ATP8A1: variants seen among roughly 807,000 people sequenced by gnomAD.
The protein encoded by ATP8A1 is phospholipid-transporting ATPase IA.
ATP8A1 carries 90 observed loss-of-function variants against 177.7 expected under a neutral mutation model. That is an observed-to-expected ratio of 0.51 (90% CI 0.43 to 0.60). ATP8A1 has a LOEUF of 0.60. Ranked by LOEUF, ATP8A1 falls within the 20% of genes least tolerant of loss-of-function variation. The pLI is 0.00. For missense variants in ATP8A1, 1,072 were observed against 1,392.8 expected, an observed-to-expected ratio of 0.77 and a Z score of 3.67; for synonymous variants, 493 against 485.9, an observed-to-expected ratio of 1.01 and a Z score of -0.19.
chr4:42,651,648 G>A (rs1199902255), intron 1 of ATP8A1, among the ~76,000 whole-genome samples: 6 of 152,182 alleles, frequency 3.9e-5, no homozygotes, highest in Admixed American at 2.0e-4. Context: ...TAGTTTTTGT[G>A]TGGTGCTTTC....
In ATP8A1 at chr4:42,495,062, TAAAC is replaced by T. The variant is rs1321927798; in HGVS notation, c.2151+8384_2151+8387del. The stretch of plus-strand genomic sequence containing the variant: ...AATAAGAGGATATATATAAGAATCT[TAAAC>T]TAACACATATTTTATTAGCTGTTTT... On this transcript the variant is annotated intron_variant, in intron 24 of 36. Coordinates refer to ENST00000381668, the MANE Select transcript of ATP8A1 (RefSeq NM_006095.2). Among the ~76,000 whole-genome samples, 12 of 152,384 alleles carry T rather than the reference TAAAC, an allele frequency of 7.9e-5. 1 individual carries two copies. Among genetic ancestry groups the T allele is most frequent in the African/African-American group, 2.9e-4 (12 of 41,592 alleles).
chr4:42,480,347 T>C (rs570930052), intron 25 of ATP8A1, among the ~76,000 whole-genome samples: 65 of 152,338 alleles, frequency 4.3e-4, no homozygotes, highest in African/African-American at 1.5e-3. Flanking sequence ...ATTCAGTGTG[T>C]CCTCTTTTAG....
At chr4:42,525,874 G>A (rs932836814) in intron 20 of ATP8A1, among the ~76,000 whole-genome samples, 6 of 152,096 alleles carry the variant, frequency 3.9e-5, no homozygotes, top group Non-Finnish European at 7.4e-5. Flanking sequence ...AGAACAGATG[G>A]AGTATTCCAA....
Position 42,436,697 on chromosome 4 carries a change from C to A in ATP8A1, c.3123+6868G>T, listed in dbSNP as rs115348137. On this transcript the variant is annotated intron_variant, in intron 33 of 36. Coordinates refer to ENST00000381668, the MANE Select transcript of ATP8A1 (RefSeq NM_006095.2). ...ATTTTGCATAGTTGTTCCCTCCAGG[C>A]TACTTGGCTAAACACAGTAATCTCA... Among the ~76,000 whole-genome samples, 151 of 152,298 alleles carry A rather than the reference C, an allele frequency of 9.9e-4. 1 individual carries two copies. The highest frequency in any genetic ancestry group is 3.6e-3 in the African/African-American group (150 of 41,570).
At chr4:42,585,587 T>A (rs1049510757) in intron 9 of ATP8A1, among the ~76,000 whole-genome samples, 2 of 150,190 alleles carry the variant, frequency 1.3e-5, no homozygotes, top group East Asian at 3.9e-4. Flanking sequence ...GATTTCGGAC[T>A]CCCCAGTTTC....
At chr4:42,540,513 A>G (rs1007638862) in intron 20 of ATP8A1, among the ~76,000 whole-genome samples, 1 of 151,868 alleles carries the variant, frequency 6.6e-6, no homozygotes, top group East Asian at 1.9e-4. Flanking sequence ...AATAGCAAAG[A>G]TATGGAATTA....
chr4:42,586,309 CA>C (rs770244405), intron 9 of ATP8A1, 39 bp downstream of exon 9: 6 of 1,607,632 alleles, frequency 3.7e-6, no homozygotes, highest in Middle Eastern at 1.7e-4. Context: ...CTCTATGACA[CA>C]GTGGATTCTG....
intron 15 of ATP8A1, 48 bp downstream of exon 15, chr4:42,569,113 C>A (rs369908766): frequency 7.5e-7 from 1 of 1,326,492 alleles, no homozygotes; most frequent in Non-Finnish European, 1.0e-6. Context: ...CAATAAAATG[C>A]AAACCTTTTA....
At chr4:42,568,798 T>C (rs935233312) in intron 15 of ATP8A1, among the ~76,000 whole-genome samples, 6 of 152,064 alleles carry the variant, frequency 3.9e-5, no homozygotes, top group African/African-American at 1.4e-4. Context: ...GTAAAGTACA[T>C]AAGTAGCGGC....
chr4:42,479,600 A>C (rs1721443605), intron 25 of ATP8A1, among the ~76,000 whole-genome samples: 1 of 152,202 alleles, frequency 6.6e-6, no homozygotes, highest in Non-Finnish European at 1.5e-5. Context: ...AGAACAGAGG[A>C]GAGTGCTGAT....
At chr4:42,486,406 T>C (rs1374967521) in intron 24 of ATP8A1, among the ~76,000 whole-genome samples, 3 of 152,300 alleles carry the variant, frequency 2.0e-5, no homozygotes, top group Admixed American at 2.0e-4. Flanking sequence ...GCTAGGAACA[T>C]AAAGTACATT....
chr4:42,498,700 A>G (rs1723525863), intron 24 of ATP8A1, among the ~76,000 whole-genome samples: 1 of 152,190 alleles, frequency 6.6e-6, no homozygotes, highest in Non-Finnish European at 1.5e-5. Context: ...ATACTAAAAA[A>G]AAAAATGATG....
At chr4:42,632,283 T>C (rs1042888857) in intron 1 of ATP8A1, among the ~76,000 whole-genome samples, 2 of 152,220 alleles carry the variant, frequency 1.3e-5, no homozygotes, top group Non-Finnish European at 2.9e-5. Context: ...GTCTAGCTTT[T>C]ATTGAAATGA....
intron 22 of ATP8A1, among the ~76,000 whole-genome samples, chr4:42,512,438 C>T (rs1725098531): frequency 6.6e-6 from 1 of 152,178 alleles, no homozygotes; most frequent in African/African-American, 2.4e-5. Flanking sequence ...TTTACAAGCA[C>T]ACATGCATGC....
At chr4:42,652,683 T>A (rs1254989288) in intron 1 of ATP8A1, among the ~76,000 whole-genome samples, 1 of 152,068 alleles carries the variant, frequency 6.6e-6, no homozygotes, top group Non-Finnish European at 1.5e-5. Context: ...TGGGGGCAGG[T>A]CTTTCCCGTG....
chr4:42,427,675 T>A (rs1265264387), intron 33 of ATP8A1, among the ~76,000 whole-genome samples: 1 of 152,228 alleles, frequency 6.6e-6, no homozygotes, highest in Non-Finnish European at 1.5e-5. Flanking sequence ...CAGTATCTCA[T>A]GAAACTGTCC....
rs1239080437 is a variant in ATP8A1, at chr4:42,485,519, T to C, written c.2301A>G (p.Ser767=). The C allele has an allele frequency of 6.2e-7, 1 of 1,612,050 alleles. No individual in the cohort carries two copies. Among genetic ancestry groups the C allele is most frequent in the Admixed American group, 1.7e-5 (1 of 59,646 alleles). The change falls in exon 25 of 37, where the codon TCA becomes TCG. Residue 767 remains serine (S), a synonymous_variant. Coordinates refer to ENST00000381668, the MANE Select transcript of ATP8A1 (RefSeq NM_006095.2). ...VRQYFLDLAL[S]CKAVICCRVS... ...ACCGACAGCAAATGACAGCTTTGCA[T>C]GACAAAGCTAAGTCCAGGAAATACT...
intron 19 of ATP8A1, among the ~76,000 whole-genome samples, chr4:42,546,431 TG>T (rs1429318448): frequency 1.3e-4 from 8 of 60,778 alleles, no homozygotes; most frequent in African/African-American, 5.3e-4. Context: ...GGGACTGTTG[TG>T]GGGTGGGGGG....
chr4:42,534,312 A>G (rs1727562576), intron 20 of ATP8A1, among the ~76,000 whole-genome samples: 1 of 152,198 alleles, frequency 6.6e-6, no homozygotes, highest in African/African-American at 2.4e-5. Context: ...AGTGAAACAG[A>G]TAGCATAAAT....
Sources: allele counts gnomAD v4.1 joint callset (sites outside exome capture counted in the v4.1 genomes callset), GRCh38; gene constraint gnomAD v4.1.1; transcripts MANE v1.5; gene names NCBI Gene and HGNC (gene_info 2026-07-23, HGNC 2026-07-21).